Variants in SLC30A8 observed in about 807,000 individuals in gnomAD.
SLC30A8 encodes the protein solute carrier family 30 member 8, also known as proton-coupled zinc antiporter SLC30A8.
A neutral mutation model predicts 36.9 loss-of-function variants in SLC30A8; 27 were observed. The ratio of observed to expected loss-of-function variants is 0.73; its 90% CI spans 0.54 to 1.01. SLC30A8 has a LOEUF of 1.01. Among genes scored for constraint, SLC30A8 ranks in the 50% least tolerant of loss-of-function variants. The pLI, the probability that SLC30A8 is intolerant of heterozygous loss-of-function variation, is 0.00. For missense variants in SLC30A8, 439 were observed against 452.0 expected, an observed-to-expected ratio of 0.97 and a Z score of 0.26; for synonymous variants, 164 against 172.4, an observed-to-expected ratio of 0.95 and a Z score of 0.38.
chr8:117,089,985 T>C (rs1022208529), intron 2 of SLC30A8, among the ~76,000 whole-genome samples: 8 of 152,116 alleles, frequency 5.3e-5, no homozygotes, highest in Non-Finnish European at 8.8e-5. Context: ...TAATAATTTT[T>C]TTTTTTAGAC....
At chr8:117,048,768 G>A (rs1817625418) in intron 2 of SLC30A8, among the ~76,000 whole-genome samples, 1 of 152,164 alleles carries the variant, frequency 6.6e-6, no homozygotes, top group Admixed American at 6.5e-5. Context: ...AATACAATAA[G>A]TCTTTGGCCT....
chr8:117,032,084 C>G (rs1817070733), intron 1 of SLC30A8, among the ~76,000 whole-genome samples: 2 of 152,112 alleles, frequency 1.3e-5, no homozygotes, highest in African/African-American at 2.4e-5. Context: ...CACCTTACGC[C>G]TCAGCCCATC....
intron 2 of SLC30A8, among the ~76,000 whole-genome samples, chr8:117,114,659 T>A (rs1820369167): frequency 6.6e-6 from 1 of 152,054 alleles, no homozygotes; most frequent in Non-Finnish European, 1.5e-5. Flanking sequence ...GATTCTCATC[T>A]AAGTGAGATT....
chr8:116,971,450 C>T (rs1477955281), intron 1 of SLC30A8, among the ~76,000 whole-genome samples: 2 of 152,178 alleles, frequency 1.3e-5, no homozygotes, highest in South Asian at 4.1e-4. Context: ...CTTATAGTCA[C>T]CCATCTTTAG....
chr8:116,958,533 A>C (rs893062397), intron 1 of SLC30A8, among the ~76,000 whole-genome samples: 4 of 152,036 alleles, frequency 2.6e-5, no homozygotes, highest in African/African-American at 9.7e-5. Context: ...TCCAGTGAGA[A>C]TTCTACTGTC....
intron 1 of SLC30A8, among the ~76,000 whole-genome samples, chr8:116,980,098 C>G (rs762494670): frequency 1.4e-4 from 21 of 152,178 alleles, no homozygotes; most frequent in Non-Finnish European, 2.8e-4. Context: ...GCTTGAGAAA[C>G]TTTATATAAC....
At chr8:117,125,400 C>T (rs1820860923) in intron 2 of SLC30A8, among the ~76,000 whole-genome samples, 1 of 152,048 alleles carries the variant, frequency 6.6e-6, no homozygotes, top group Admixed American at 6.6e-5. Context: ...TCCATTCCTA[C>T]TTCTTGAGCC....
chr8:117,068,794 C>T (rs933850694), intron 2 of SLC30A8, among the ~76,000 whole-genome samples: 7 of 152,054 alleles, frequency 4.6e-5, no homozygotes, highest in South Asian at 2.1e-4. Context: ...CCAGGCTGGT[C>T]TCGAACTCCT....
intron 1 of SLC30A8, among the ~76,000 whole-genome samples, chr8:116,955,146 C>T (rs1814144183): frequency 6.6e-6 from 1 of 152,292 alleles, no homozygotes; most frequent in African/African-American, 2.4e-5. Flanking sequence ...TTTGAAATAG[C>T]TGGTGTATTG....
rs1217496294 is a variant in SLC30A8, at chr8:117,175,465, A to C, written c.*2784A>C. 1 of 152,092 alleles carries C rather than the reference A, an allele frequency of 6.6e-6. No individual in the cohort carries two copies. The highest frequency in any genetic ancestry group is 2.4e-5 in the African/African-American group (1 of 41,438). The allele number at this position is 152,092 out of a possible 1,614,324, so 9.4% of individuals were successfully genotyped here. A position where few individuals can be genotyped will look rare whatever the true frequency, so the allele number is the denominator to read the frequency against. ...GAAGGACATGAAAGAAAGGATGTTT[A>C]CACATTAAGCATCAGTTCTGAAGCT... On this transcript the variant is annotated 3_prime_UTR_variant, in exon 8 of 8. Coordinates refer to ENST00000456015, the MANE Select transcript of SLC30A8 (RefSeq NM_173851.3).
chr8:117,057,750 C>T (rs758128579), intron 2 of SLC30A8, among the ~76,000 whole-genome samples: 1 of 152,070 alleles, frequency 6.6e-6, no homozygotes, highest in African/African-American at 2.4e-5. Context: ...GGCATATATA[C>T]AACACACTAC....
chr8:117,005,710 A>G (rs1170609008), intron 1 of SLC30A8, among the ~76,000 whole-genome samples: 1 of 152,202 alleles, frequency 6.6e-6, no homozygotes, highest in Non-Finnish European at 1.5e-5. Flanking sequence ...ATAGCTATTT[A>G]TCATCATCAT....
chr8:117,024,111 T>G (rs1389394134), intron 1 of SLC30A8, among the ~76,000 whole-genome samples: 1 of 152,224 alleles, frequency 6.6e-6, no homozygotes, highest in Non-Finnish European at 1.5e-5. Context: ...TTGAAAATAA[T>G]CAGTTGATTT....
intron 1 of SLC30A8, among the ~76,000 whole-genome samples, chr8:116,958,188 C>T (rs1368541177): frequency 6.6e-6 from 1 of 152,188 alleles, no homozygotes; most frequent in African/African-American, 2.4e-5. Flanking sequence ...TGCACATGGG[C>T]CCTCACTTAG....
At chr8:117,150,706 C>T (rs1013155351) in intron 2 of SLC30A8, among the ~76,000 whole-genome samples, 2 of 152,174 alleles carry the variant, frequency 1.3e-5, no homozygotes, top group Non-Finnish European at 2.9e-5. Context: ...CCCGGGTTCA[C>T]GCCATTCTCC....
At chr8:116,961,352 C>T (rs1021874182) in intron 1 of SLC30A8, among the ~76,000 whole-genome samples, 6 of 152,086 alleles carry the variant, frequency 3.9e-5, no homozygotes, top group Admixed American at 1.3e-4. Flanking sequence ...TGGCTTAAAC[C>T]CGGGAGGCAG....
intron 4 of SLC30A8, among the ~76,000 whole-genome samples, chr8:117,158,868 C>T (rs1822636971): frequency 6.6e-6 from 1 of 152,134 alleles, no homozygotes; most frequent in Non-Finnish European, 1.5e-5. Context: ...ACATCCTAAC[C>T]CCTGGAACTT....
chr8:117,094,751 G>A (rs938849914), intron 2 of SLC30A8, among the ~76,000 whole-genome samples: 1 of 152,200 alleles, frequency 6.6e-6, no homozygotes, highest in African/African-American at 2.4e-5. Flanking sequence ...TTCCACCCAG[G>A]AGCCTGTCTG....
intron 1 of SLC30A8, chr8:117,039,169 A>T (rs1341987915): frequency 6.6e-6 from 1 of 152,290 alleles, no homozygotes; most frequent in South Asian, 2.1e-4. Flanking sequence ...AGGGAATAAG[A>T]TGTATTTTCC....
Sources: gnomAD v4.1 joint callset for allele counts (sites outside exome capture counted in the v4.1 genomes callset) on GRCh38, gnomAD v4.1.1 for gene constraint, MANE v1.5 for transcripts, NCBI Gene and HGNC (gene_info 2026-07-23, HGNC 2026-07-21) for gene names.